ARFGAP3: variants seen among roughly 807,000 people sequenced by gnomAD.
ARFGAP3 encodes ADP-ribosylation factor GTPase-activating protein 3.
Under a neutral mutation model 75.0 loss-of-function variants are expected in ARFGAP3, and 72 were observed. The ratio of observed to expected loss-of-function variants is 0.96; its 90% confidence interval spans 0.79 to 1.17. The LOEUF (loss-of-function observed/expected upper bound fraction) is 1.17. Among genes scored for constraint, ARFGAP3 ranks in the 50% most tolerant of loss-of-function variants. ARFGAP3 has a pLI of 0.00. For missense variants in ARFGAP3, 620 were observed against 626.6 expected, an observed-to-expected ratio of 0.99 and a Z score of 0.11; for synonymous variants, 221 against 217.9, an observed-to-expected ratio of 1.01 and a Z score of -0.13.
chr22:42,831,175 T>C (rs1602114682), intron 6 of ARFGAP3, among the ~76,000 whole-genome samples: 1 of 151,722 alleles, frequency 6.6e-6, no homozygotes, highest in Admixed American at 6.6e-5. Context: ...TAATCCCAGC[T>C]TCTAGGGAGG....
intron 14 of ARFGAP3, among the ~76,000 whole-genome samples, chr22:42,805,925 A>G (rs76194869): frequency 0.029 from 4,452 of 152,324 alleles, 83 homozygotes; most frequent in African/African-American, 0.041. Flanking sequence ...ACTGCAGCAC[A>G]GCAACTTGGC....
chr22:42,809,411 A>C (rs1242528120), intron 12 of ARFGAP3, among the ~76,000 whole-genome samples: 1 of 152,178 alleles, frequency 6.6e-6, no homozygotes, highest in African/African-American at 2.4e-5. Flanking sequence ...TACAAGAATG[A>C]ATGAGTCTTC....
intron 2 of ARFGAP3, among the ~76,000 whole-genome samples, chr22:42,842,548 A>T (rs983109219): frequency 6.6e-6 from 1 of 151,806 alleles, no homozygotes; most frequent in African/African-American, 2.4e-5. Context: ...TCTGGATTCA[A>T]GCAATTCTTG....
At chr22:42,846,963 C>T (rs1927047182) in intron 2 of ARFGAP3, among the ~76,000 whole-genome samples, 3 of 152,132 alleles carry the variant, frequency 2.0e-5, no homozygotes, top group African/African-American at 7.2e-5. Context: ...TGGTAAGAAC[C>T]TTCTTACTGG....
chr22:42,797,549 G>T lies in ARFGAP3; in HGVS notation c.*39C>A, dbSNP rs200720813. 6.8e-6 allele frequency: 11 copies of T among 1,613,718 alleles called. No homozygotes were observed. In the Middle Eastern group the frequency reaches 4.9e-4, roughly 72 times the overall value. ...AGATGTGGTTACTTGTTCATTTAAAGAGGAATTTCTCCAGGAAATACACAT... is the reference window on the plus strand; with the variant it reads ...AGATGTGGTTACTTGTTCATTTAAATAGGAATTTCTCCAGGAAATACACAT... On this transcript the variant is annotated 3_prime_UTR_variant, in exon 16 of 16. Coordinates refer to ENST00000263245, the MANE Select transcript of ARFGAP3 (RefSeq NM_014570.5).
intron 6 of ARFGAP3, among the ~76,000 whole-genome samples, chr22:42,830,028 G>C (rs954885250): frequency 6.6e-6 from 1 of 152,054 alleles, no homozygotes; most frequent in Non-Finnish European, 1.5e-5. Context: ...CCAGCAAAAT[G>C]AAAAATCAGC....
At chr22:42,848,146 G>A (rs766234030) in intron 1 of ARFGAP3, among the ~76,000 whole-genome samples, 1 of 151,996 alleles carries the variant, frequency 6.6e-6, no homozygotes, top group Admixed American at 6.6e-5. Context: ...TTACAGGCAC[G>A]AGCCACTGTG....
At chr22:42,850,527 C>T (rs568295584) in intron 1 of ARFGAP3, among the ~76,000 whole-genome samples, 4 of 138,910 alleles carry the variant, frequency 2.9e-5, no homozygotes, top group Non-Finnish European at 6.1e-5. Context: ...GAGCGGAGAC[C>T]ACTCCACTGC....
chr22:42,840,909 C>T, intron 3 of ARFGAP3, 35 bp downstream of exon 3: 1 of 1,605,158 alleles, frequency 6.2e-7, no homozygotes, highest in Non-Finnish European at 8.5e-7. Flanking sequence ...AATATTTAAA[C>T]AAGAAGGAAA....
At chr22:42,834,708 C>G (rs1158600440) in intron 4 of ARFGAP3, among the ~76,000 whole-genome samples, 1 of 152,160 alleles carries the variant, frequency 6.6e-6, no homozygotes, top group Non-Finnish European at 1.5e-5. Flanking sequence ...TGTTTTCAGT[C>G]ATTTGGAGAA....
At chr22:42,835,533 T>C in intron 3 of ARFGAP3, 40 bp from the exon 4 acceptor site, 1 of 1,607,770 alleles carries the variant, frequency 6.2e-7, no homozygotes, top group South Asian at 1.1e-5. Flanking sequence ...TTCGTAAAAC[T>C]ACGTATGGCC....
At position 42,850,144 on chromosome 22, in the gene ARFGAP3, G is replaced by C. The variant is rs1001842602; in HGVS notation, c.70-2512C>G. 3.3e-5 allele frequency among the ~76,000 whole-genome samples: 5 copies of C among 152,238 alleles called. No individual in the cohort carries two copies. In the South Asian group the frequency reaches 1.0e-3, roughly 32 times the overall value. Reference sequence around the variant, plus strand: ...TGCTAACTAGCAGAGTCACGCGTCGGAAGTGTGCTGGGCCCATAAAATACA... The same window carrying C: ...TGCTAACTAGCAGAGTCACGCGTCGCAAGTGTGCTGGGCCCATAAAATACA... On this transcript the variant is annotated intron_variant, in intron 1 of 15. Coordinates refer to ENST00000263245, the MANE Select transcript of ARFGAP3 (RefSeq NM_014570.5).
At position 42,817,830 on chromosome 22, in the gene ARFGAP3, C is replaced by T; in HGVS notation, c.840G>A (p.Lys280=). 6.2e-7 allele frequency: 1 copy of T among 1,611,476 alleles called. No homozygotes were observed. Among genetic ancestry groups the T allele is most frequent in the Non-Finnish European group, 8.5e-7 (1 of 1,178,952 alleles). Residue 280 remains lysine (K), a synonymous_variant, in exon 10 of 16, where the codon AAG becomes AAA. Transcript: ENST00000263245. ...SIVSSLRLAY[K]DLEIQMKKDE... The stretch of plus-strand genomic sequence containing the variant: ...CTTTCTTCATTTGAATTTCAAGATC[C>T]TTATAGGCTAATCGTAATGATGAAA...
chr22:42,802,241 G>A (rs1379970442), intron 14 of ARFGAP3, among the ~76,000 whole-genome samples: 1 of 151,914 alleles, frequency 6.6e-6, no homozygotes, highest in Non-Finnish European at 1.5e-5. Flanking sequence ...GGTGTGACGT[G>A]GGAGGTGGAA....
intron 1 of ARFGAP3, among the ~76,000 whole-genome samples, chr22:42,850,676 T>C (rs1927240522): frequency 6.6e-6 from 1 of 152,082 alleles, no homozygotes; most frequent in African/African-American, 2.4e-5. Context: ...CTTCTGGTCT[T>C]TTCAGGGCAA....
At chr22:42,817,917 T>A in intron 9 of ARFGAP3, 60 bp from the exon 10 acceptor site, 11 of 1,377,214 alleles carry the variant, frequency 8.0e-6, no homozygotes, top group Non-Finnish European at 1.1e-5. Context: ...TATATTAAAA[T>A]AGCAAGCAAA....
At position 42,857,254 on chromosome 22, in the gene ARFGAP3, A is replaced by T. The variant is rs1458473223; in HGVS notation, c.-72T>A. On this transcript the variant is annotated 5_prime_UTR_variant, in exon 1 of 16. Transcript: ENST00000263245. ...GTCGACGAAAAGCGGCTACCGCCTC[A>T]GCAGGAGCGACGAGGCCGCGGGGGC... 1.4e-6 allele frequency: 2 copies of T among 1,477,196 alleles called. No homozygotes were observed. The highest frequency in any genetic ancestry group is 1.8e-6 in the Non-Finnish European group (2 of 1,108,324). The allele number at this position is 1,477,196 out of a possible 1,614,324, so 91.5% of individuals were successfully genotyped here.
chr22:42,838,286 A>ATT (rs1409180396), intron 3 of ARFGAP3, among the ~76,000 whole-genome samples: 326 of 128,114 alleles, frequency 2.5e-3, no homozygotes, highest in African/African-American at 0.011. Flanking sequence ...ATATATATAT[A>ATT]TATATTTTTT....
intron 9 of ARFGAP3, among the ~76,000 whole-genome samples, chr22:42,821,576 G>A (rs1277860616): frequency 6.6e-6 from 1 of 152,208 alleles, no homozygotes; most frequent in African/African-American, 2.4e-5. Flanking sequence ...TTTTGTGGCT[G>A]AGTAATAGTC....
Sources: gnomAD v4.1 joint callset for allele counts (sites outside exome capture counted in the v4.1 genomes callset) on GRCh38, gnomAD v4.1.1 for gene constraint, MANE v1.5 for transcripts, NCBI Gene and HGNC (gene_info 2026-07-23, HGNC 2026-07-21) for gene names.